FBN1: variants seen among roughly 807,000 people sequenced by gnomAD.
FBN1 encodes fibrillin 1, also known as fibrillin-1.
FBN1 carries 29 observed loss-of-function variants against 365.1 expected under a neutral mutation model. The observed-to-expected ratio is 0.08, with a 90% CI of 0.06 to 0.11. The LOEUF is 0.11. FBN1 is among the 10% of genes least tolerant of loss of function. The pLI, the probability that FBN1 is intolerant of heterozygous loss-of-function variation, is 1.00. For missense variants in FBN1, 2,476 were observed against 3,703.2 expected (o/e 0.67, Z 8.60); for synonymous variants, 1,210 against 1,270.5 (o/e 0.95, Z 1.01).
intron 4 of FBN1, among the ~76,000 whole-genome samples, chr15:48,602,585 T>C (rs1398201097): frequency 6.6e-6 from 1 of 152,144 alleles, no homozygotes; most frequent in African/African-American, 2.4e-5. Context: ...ACTAAGTAGG[T>C]TGCTATTAAA....
chr15:48,584,858 T>C (rs1236025036), intron 6 of FBN1, among the ~76,000 whole-genome samples: 1 of 152,256 alleles, frequency 6.6e-6, no homozygotes, highest in Admixed American at 6.5e-5. Context: ...ATACTGTGGA[T>C]GCTTCTGCTT....
At chr15:48,550,758 C>A (rs575644431) in intron 6 of FBN1, among the ~76,000 whole-genome samples, 2 of 152,050 alleles carry the variant, frequency 1.3e-5, no homozygotes, top group African/African-American at 4.8e-5. Flanking sequence ...ATTTTTCCAC[C>A]AAATTCCTCC....
chr15:48,542,780 GA>G (rs2044066841), intron 6 of FBN1, among the ~76,000 whole-genome samples: 1 of 79,168 alleles, frequency 1.3e-5, no homozygotes, highest in East Asian at 5.8e-4. Flanking sequence ...AGGACTCTAA[GA>G]TGTGTGTGTG....
chr15:48,494,763 T>G (rs1443009550), intron 22 of FBN1, among the ~76,000 whole-genome samples: 2 of 152,172 alleles, frequency 1.3e-5, no homozygotes, highest in African/African-American at 4.8e-5. Flanking sequence ...GAAACCCTTA[T>G]GAAGTTTAGT....
chr15:48,549,854 G>C (rs910360635), intron 6 of FBN1, among the ~76,000 whole-genome samples: 2 of 151,720 alleles, frequency 1.3e-5, no homozygotes, highest in Admixed American at 6.6e-5. Context: ...AACGACTCCA[G>C]TTCTCCCCTT....
At chr15:48,591,450 A>G (rs558229103) in intron 6 of FBN1, among the ~76,000 whole-genome samples, 5 of 152,352 alleles carry the variant, frequency 3.3e-5, no homozygotes, top group African/African-American at 9.6e-5. Context: ...GACAATATTC[A>G]TTCCATATGT....
At chr15:48,477,278 G>A (rs994605143) in intron 32 of FBN1, among the ~76,000 whole-genome samples, 1 of 152,226 alleles carries the variant, frequency 6.6e-6, no homozygotes, top group South Asian at 2.1e-4. Context: ...TTTAGAAAGT[G>A]TTTTCAGTTT....
chr15:48,588,546 A>T (rs1012656650), intron 6 of FBN1, among the ~76,000 whole-genome samples: 1 of 152,228 alleles, frequency 6.6e-6, no homozygotes, highest in Non-Finnish European at 1.5e-5. Flanking sequence ...AAACCATGAC[A>T]CTAAATTTAA....
At chr15:48,432,022 T>G (rs2043026031) in intron 55 of FBN1, among the ~76,000 whole-genome samples, 1 of 152,208 alleles carries the variant, frequency 6.6e-6, no homozygotes, top group Non-Finnish European at 1.5e-5. Flanking sequence ...TATTTTATAT[T>G]ATATATCTCA....
At chr15:48,466,875 T>G (rs2043327283) in intron 38 of FBN1, among the ~76,000 whole-genome samples, 1 of 152,046 alleles carries the variant, frequency 6.6e-6, no homozygotes, top group South Asian at 2.1e-4. Context: ...TGTCACAACC[T>G]TCTTGAAGGC....
chr15:48,631,925 A>G (rs981391380), intron 2 of FBN1, among the ~76,000 whole-genome samples: 11 of 152,210 alleles, frequency 7.2e-5, no homozygotes, highest in African/African-American at 2.7e-4. Context: ...TAAAATTTAA[A>G]TTCTTTTCAC....
At chr15:48,549,952 T>C (rs1212570379) in intron 6 of FBN1, among the ~76,000 whole-genome samples, 2 of 152,192 alleles carry the variant, frequency 1.3e-5, no homozygotes, top group Non-Finnish European at 2.9e-5. Context: ...ATAGCTAACT[T>C]TTAGTAACAC....
chr15:48,455,207 G>C (rs977754055), intron 44 of FBN1, among the ~76,000 whole-genome samples: 1 of 152,240 alleles, frequency 6.6e-6, no homozygotes, highest in African/African-American at 2.4e-5. Flanking sequence ...GAAATCAGAA[G>C]TTGGAGCACT....
At position 48,428,411 on chromosome 15, in the gene FBN1, C is replaced by T. The variant is rs141868829; in HGVS notation, c.6932G>A (p.Arg2311His). Residue 2311 changes from arginine (R) to histidine (H), a missense_variant, in exon 57 of 66, where the codon CGT (arginine) becomes CAT (histidine). Arg to His is a conservative substitution (Grantham distance 29). Coordinates refer to ENST00000316623, the MANE Select transcript of FBN1 (RefSeq NM_000138.5). ...ICENGRCLNT[R>H]GSYTCECNDG... ...ATTACACTCACAGGTGTAGCTCCCA[C>T]GGGTGTTGAGGCAGCGCCCATTCTC... 1.5e-5 allele frequency: 24 copies of T among 1,614,068 alleles called. No homozygotes were observed. The East Asian group carries it at 2.5e-4, about 16-fold the overall frequency.
chr15:48,517,815 C>T (rs901987233), intron 10 of FBN1, among the ~76,000 whole-genome samples: 6 of 152,124 alleles, frequency 3.9e-5, no homozygotes, highest in Middle Eastern at 3.2e-3. Context: ...ACCTTCTATG[C>T]TAGTTTCAGC....
intron 3 of FBN1, 30 bp downstream of exon 3, chr15:48,612,980 T>C (rs745535403): frequency 2.0e-6 from 3 of 1,532,416 alleles, no homozygotes; most frequent in Admixed American, 1.7e-5. Flanking sequence ...AAGAAGGACA[T>C]GCAGAATGAC....
rs535421886 is a variant in FBN1, at chr15:48,476,908, G to A, written c.3965-2258C>T. 6.6e-5 allele frequency among the ~76,000 whole-genome samples: 10 copies of A among 151,502 alleles called. No homozygotes were observed. The Middle Eastern group carries it at 0.01, about 155-fold the overall frequency. On this transcript the variant is annotated intron_variant, in intron 32 of 65. Coordinates refer to ENST00000316623, the MANE Select transcript of FBN1 (RefSeq NM_000138.5). ...CCTCCCAAAGTGTTGGGATTAAGGCGTGAACCACTGCGCCCAGCTGAGCGC... is the reference window on the plus strand; with the variant it reads ...CCTCCCAAAGTGTTGGGATTAAGGCATGAACCACTGCGCCCAGCTGAGCGC...
intron 47 of FBN1, 118 bp downstream of exon 47, chr15:48,446,588 T>C: frequency 2.6e-6 from 2 of 756,820 alleles, no homozygotes; most frequent in South Asian, 1.4e-5. Flanking sequence ...TAACCAATTG[T>C]TATGCATAAG....
intron 10 of FBN1, among the ~76,000 whole-genome samples, chr15:48,517,397 G>A (rs2043814363): frequency 6.6e-6 from 1 of 152,188 alleles, no homozygotes; most frequent in African/African-American, 2.4e-5. Flanking sequence ...AATATCAATG[G>A]AGAAGTGGCC....
Sources: gnomAD v4.1 joint callset for allele counts (sites outside exome capture counted in the v4.1 genomes callset) on GRCh38, gnomAD v4.1.1 for gene constraint, MANE v1.5 for transcripts, NCBI Gene and HGNC (gene_info 2026-07-23, HGNC 2026-07-21) for gene names.